The following TRPM3 variants were observed in gnomAD, a reference collection of about 807,000 sequenced individuals.
TRPM3 encodes long transient receptor potential channel 3.
Under a neutral mutation model 181.2 loss-of-function variants are expected in TRPM3, and 77 were observed. That is an observed-to-expected ratio of 0.42 (90% CI 0.35 to 0.51). The LOEUF (loss-of-function observed/expected upper bound fraction) is 0.51. TRPM3 is among the 20% of genes least tolerant of loss of function. TRPM3 has a pLI of 0.01. For synonymous variants in TRPM3, 745 were observed against 796.4 expected (o/e 0.94, Z 1.09); for missense variants, 1,759 against 2,196.7 (o/e 0.80, Z 3.98).
chr9:71,229,215 G>A (rs1190342527), intron 1 of TRPM3, among the ~76,000 whole-genome samples: 1 of 152,062 alleles, frequency 6.6e-6, no homozygotes, highest in Non-Finnish European at 1.5e-5. Flanking sequence ...CATGCATTGG[G>A]GAATGACATT....
chr9:70,635,185 C>T (rs555304652), intron 12 of TRPM3, 26 bp downstream of exon 12: 22 of 1,610,464 alleles, frequency 1.4e-5, no homozygotes, highest in East Asian at 4.5e-5. Context: ...ACAGGGCCTC[C>T]GACCTGCAGT....
chr9:71,410,870 C>T lies in TRPM3; in HGVS notation c.183+35783G>A, dbSNP rs142744210. ...AAAAATCCTCAAAATACTGGCAAACCGAATCCAACAGCACATCAAAAAGTT... is the reference window on the plus strand; with the variant it reads ...AAAAATCCTCAAAATACTGGCAAACTGAATCCAACAGCACATCAAAAAGTT... On this transcript the variant is annotated intron_variant, in intron 1 of 24. Coordinates refer to the TRPM3 transcript ENST00000357533. Among the ~76,000 whole-genome samples the T allele has an allele frequency of 7.9e-5, 12 of 152,262 alleles. No individual in the cohort carries two copies. In the East Asian group the frequency reaches 1.5e-3, roughly 20 times the overall value.
chr9:70,566,317 G>A (rs2050571778), intron 22 of TRPM3, among the ~76,000 whole-genome samples: 1 of 152,024 alleles, frequency 6.6e-6, no homozygotes, highest in Admixed American at 6.6e-5. Flanking sequence ...TGGCTCTCTG[G>A]GGAAAGGATG....
chr9:71,132,533 T>C (rs1277020395), intron 1 of TRPM3, among the ~76,000 whole-genome samples: 1 of 152,144 alleles, frequency 6.6e-6, no homozygotes, highest in African/African-American at 2.4e-5. Flanking sequence ...CTCTATGTCT[T>C]GAATAAAGTG....
intron 9 of TRPM3, among the ~76,000 whole-genome samples, chr9:70,661,598 ATACAAAATCAATG>A (rs1205053937): frequency 1.3e-5 from 2 of 152,182 alleles, no homozygotes; most frequent in African/African-American, 4.8e-5. Context: ...AAGTCTCAGG[ATACAAAATCAATG>A]TACAAAAATC....
chr9:70,867,642 T>A (rs1196174436), intron 1 of TRPM3, among the ~76,000 whole-genome samples: 1 of 152,056 alleles, frequency 6.6e-6, no homozygotes, highest in Non-Finnish European at 1.5e-5. Flanking sequence ...CCATCATTCA[T>A]GATTAAATTG....
chr9:70,554,989 G>GGC (rs1486952638), intron 22 of TRPM3, among the ~76,000 whole-genome samples: 1 of 152,166 alleles, frequency 6.6e-6, no homozygotes, highest in Non-Finnish European at 1.5e-5. Flanking sequence ...CAGCAATGAA[G>GGC]GCCCCCTGGC....
intron 1 of TRPM3, among the ~76,000 whole-genome samples, chr9:71,195,057 G>A (rs1164974701): frequency 6.6e-6 from 1 of 151,792 alleles, no homozygotes; most frequent in East Asian, 1.9e-4. Context: ...TTTTAACCCT[G>A]AGAAACAACC....
chr9:70,737,859 C>T (rs1419557443), intron 8 of TRPM3, among the ~76,000 whole-genome samples: 2 of 152,074 alleles, frequency 1.3e-5, no homozygotes, highest in African/African-American at 4.8e-5. Context: ...CATTGGAGCT[C>T]TCAAATTTAT....
At chr9:71,159,411 T>C (rs1038858711) in intron 1 of TRPM3, among the ~76,000 whole-genome samples, 10 of 152,114 alleles carry the variant, frequency 6.6e-5, no homozygotes, top group African/African-American at 2.4e-4. Context: ...GCTCGGCTAC[T>C]CCATCTGTGT....
intron 1 of TRPM3, among the ~76,000 whole-genome samples, chr9:71,187,511 A>C (rs759290696): frequency 2.6e-5 from 4 of 151,922 alleles, no homozygotes; most frequent in Admixed American, 6.6e-5. Flanking sequence ...TTTCCCACTG[A>C]CTCCATCAAG....
At chr9:71,438,110 T>C (rs1418971818) in intron 1 of TRPM3, among the ~76,000 whole-genome samples, 2 of 152,192 alleles carry the variant, frequency 1.3e-5, no homozygotes, top group South Asian at 2.1e-4. Flanking sequence ...GATGACACCA[T>C]TGGGATGTAT....
chr9:71,019,100 C>T (rs1218550909), intron 1 of TRPM3, among the ~76,000 whole-genome samples: 1 of 151,814 alleles, frequency 6.6e-6, no homozygotes, highest in Admixed American at 6.6e-5. Flanking sequence ...AAATTTCTTT[C>T]AAATGATAAA....
chr9:71,164,060 A>G (rs558657717), intron 1 of TRPM3, among the ~76,000 whole-genome samples: 2 of 152,290 alleles, frequency 1.3e-5, no homozygotes, highest in Non-Finnish European at 2.9e-5. Context: ...GCGTATGCAC[A>G]AAGGATGCAG....
At position 71,183,923 on chromosome 9, in the gene TRPM3, C is replaced by T. The variant is rs1041607595; in HGVS notation, c.183+262730G>A. Among the ~76,000 whole-genome samples the T allele has an allele frequency of 7.9e-5, 12 of 152,132 alleles. No individual in the cohort carries two copies. The South Asian group carries it at 1.5e-3, about 18-fold the overall frequency. On this transcript the variant is annotated intron_variant, in intron 1 of 24. Coordinates refer to the TRPM3 transcript ENST00000357533. The stretch of plus-strand genomic sequence containing the variant: ...ATCTTTCAGGCCTCACTCATTTGCC[C>T]GTTACTATACAAGGTATAAAAAATT...
chr9:71,394,784 C>T (rs2093150875), intron 1 of TRPM3, among the ~76,000 whole-genome samples: 1 of 152,174 alleles, frequency 6.6e-6, no homozygotes, highest in Non-Finnish European at 1.5e-5. Flanking sequence ...TTCTTAAAAG[C>T]ATCCAAGTCT....
At chr9:71,290,346 A>G (rs2132262867) in intron 1 of TRPM3, among the ~76,000 whole-genome samples, 1 of 152,230 alleles carries the variant, frequency 6.6e-6, no homozygotes, top group South Asian at 2.1e-4. Flanking sequence ...ATTGGCAAAA[A>G]AGAGACCTAC....
chr9:71,143,510 G>A (rs2075242319), intron 1 of TRPM3, among the ~76,000 whole-genome samples: 1 of 152,146 alleles, frequency 6.6e-6, no homozygotes, highest in African/African-American at 2.4e-5. Context: ...CCCTGCAAGG[G>A]ACATGAACTC....
At chr9:71,279,651 C>T (rs572396154) in intron 1 of TRPM3, among the ~76,000 whole-genome samples, 2 of 152,188 alleles carry the variant, frequency 1.3e-5, no homozygotes, top group East Asian at 3.9e-4. Flanking sequence ...TCCCCCAGCC[C>T]CCAAGCAGGC....
Sources: gnomAD v4.1 joint callset for allele counts (sites outside exome capture counted in the v4.1 genomes callset) on GRCh38, gnomAD v4.1.1 for gene constraint, MANE v1.5 for transcripts, NCBI Gene and HGNC (gene_info 2026-07-23, HGNC 2026-07-21) for gene names.